NUDT3: variants seen among roughly 807,000 people sequenced by gnomAD.
The protein encoded by NUDT3 is diphosphoinositol polyphosphate phosphohydrolase 1.
A neutral mutation model predicts 23.6 loss-of-function variants in NUDT3; 9 were observed. The observed-to-expected ratio is 0.38, with a 90% CI of 0.23 to 0.66. NUDT3 has a LOEUF of 0.66. NUDT3 is among the 30% of genes least tolerant of loss of function. NUDT3 has a pLI of 0.52. For missense variants in NUDT3, 172 were observed against 218.5 expected (o/e 0.79, Z 1.34); for synonymous variants, 86 against 82.6 (o/e 1.04, Z -0.22).
At chr6:34,327,311 A>ACT in intron 2 of NUDT3, among the ~76,000 whole-genome samples, 1 of 152,002 alleles carries the variant, frequency 6.6e-6, no homozygotes, top group Non-Finnish European at 1.5e-5. Context: ...CGGGTGGATC[A>ACT]CGAGGTCAAG....
intron 1 of NUDT3, among the ~76,000 whole-genome samples, chr6:34,342,495 T>C (rs1764304096): frequency 6.6e-6 from 1 of 152,090 alleles, no homozygotes; most frequent in South Asian, 2.1e-4. Context: ...TACACCACCC[T>C]AGACTCTAAG....
intron 1 of NUDT3, among the ~76,000 whole-genome samples, chr6:34,385,557 C>T (rs1765091922): frequency 6.6e-6 from 1 of 150,966 alleles, no homozygotes; most frequent in Admixed American, 6.6e-5. Flanking sequence ...TTTTCCAGTC[C>T]TAGTTTTTAT....
In NUDT3 at chr6:34,346,124, T is replaced by C. The variant is rs181563665; in HGVS notation, c.100-4152A>G. On this transcript the variant is annotated intron_variant, in intron 1 of 4. Transcript: ENST00000607016. ...TGCCACACTCATTCTCTTCAATAAC[T>C]GTGACCAATCTTACATTTTACAACA... is the stretch of plus-strand genomic sequence containing the variant. Among the ~76,000 whole-genome samples the C allele has an allele frequency of 9.2e-5, 14 of 152,274 alleles. No individual in the cohort carries two copies. The East Asian group carries it at 2.7e-3, about 29-fold the overall frequency.
At chr6:34,351,222 A>AAAAAAAAC (rs1764468736) in intron 1 of NUDT3, among the ~76,000 whole-genome samples, 1 of 135,088 alleles carries the variant, frequency 7.4e-6, no homozygotes, top group African/African-American at 3.1e-5. Flanking sequence ...AAAAAAAAAA[A>AAAAAAAAC]AAAACACTTT....
intron 1 of NUDT3, among the ~76,000 whole-genome samples, chr6:34,388,646 C>T (rs1025828827): frequency 2.6e-5 from 4 of 152,098 alleles, no homozygotes; most frequent in African/African-American, 9.7e-5. Context: ...AAATCCCTCC[C>T]AATTAAGGAA....
intron 1 of NUDT3, among the ~76,000 whole-genome samples, chr6:34,385,419 T>G (rs1300342025): frequency 4.6e-5 from 7 of 152,194 alleles, no homozygotes; most frequent in Non-Finnish European, 1.0e-4. Context: ...CAAATAAATC[T>G]TTTATATGTA....
chr6:34,367,166 G>T (rs1273647218), intron 1 of NUDT3, among the ~76,000 whole-genome samples: 1 of 152,066 alleles, frequency 6.6e-6, no homozygotes, highest in Non-Finnish European at 1.5e-5. Flanking sequence ...TTACAGGTGT[G>T]AGCCACAATG....
At position 34,288,073 on chromosome 6, in the gene NUDT3, G is replaced by A. The variant is rs1187567572; in HGVS notation, c.*680C>T. The stretch of plus-strand genomic sequence containing the variant: ...TAGCTAAACTCTTCCCATATCTACA[G>A]TCAATGACTGGGAAATAGAGAAAGG... On this transcript the variant is annotated 3_prime_UTR_variant, in exon 5 of 5. Coordinates refer to ENST00000607016, the MANE Select transcript of NUDT3 (RefSeq NM_006703.4). 1.3e-5 allele frequency: 2 copies of A among 152,170 alleles called. No homozygotes were observed. The highest frequency in any genetic ancestry group is 2.9e-5 in the Non-Finnish European group (2 of 68,036). The allele number at this position is 152,170 out of a possible 1,614,324, so 9.4% of individuals were successfully genotyped here.
intron 1 of NUDT3, among the ~76,000 whole-genome samples, chr6:34,377,592 G>A (rs1652880598): frequency 6.6e-6 from 1 of 152,112 alleles, no homozygotes. Flanking sequence ...CCAGCACTTT[G>A]GGAAGCTGAG....
intron 1 of NUDT3, among the ~76,000 whole-genome samples, chr6:34,390,960 T>C (rs1412732551): frequency 6.6e-6 from 1 of 152,196 alleles, no homozygotes. Context: ...AATGCATCTG[T>C]TTTGGGGACT....
At chr6:34,364,226 A>G (rs1397642314) in intron 1 of NUDT3, among the ~76,000 whole-genome samples, 1 of 152,246 alleles carries the variant, frequency 6.6e-6, no homozygotes, top group Non-Finnish European at 1.5e-5. Context: ...GTCAGAAAAC[A>G]TGATTGGTGG....
chr6:34,365,148 G>A (rs978350684), intron 1 of NUDT3, among the ~76,000 whole-genome samples: 10 of 150,196 alleles, frequency 6.7e-5, no homozygotes, highest in Admixed American at 1.3e-4. Flanking sequence ...AAAATAAATC[G>A]GCCAGGCAAG....
chr6:34,368,540 AAC>A lies in NUDT3; in HGVS notation c.99+23722_99+23723del, dbSNP rs1316030319. On this transcript the variant is annotated intron_variant, in intron 1 of 4. Coordinates refer to ENST00000607016, the MANE Select transcript of NUDT3 (RefSeq NM_006703.4). The stretch of plus-strand genomic sequence containing the variant: ...AAACATAGTACAGGGGAAAAACAAA[AAC>A]ACAGTATAGATGAATCTCAGACAGC... Among the ~76,000 whole-genome samples the A allele has an allele frequency of 2.0e-5, 3 of 152,318 alleles. No individual in the cohort carries two copies. The East Asian group carries it at 5.8e-4, about 29-fold the overall frequency.
At chr6:34,337,166 A>C (rs1400308068) in intron 2 of NUDT3, among the ~76,000 whole-genome samples, 1 of 152,248 alleles carries the variant, frequency 6.6e-6, no homozygotes, top group Non-Finnish European at 1.5e-5. Context: ...AGTTCAAAGC[A>C]GTTCACAGAC....
intron 1 of NUDT3, among the ~76,000 whole-genome samples, chr6:34,355,747 T>C (rs1025334375): frequency 2.6e-5 from 4 of 151,198 alleles, no homozygotes; most frequent in South Asian, 2.1e-4. Context: ...TTAATAGACA[T>C]AGGCTTATTT....
In NUDT3 at chr6:34,288,715, A is replaced by C. The variant is rs773092810; in HGVS notation, c.*38T>G. ...AGAGGGAAGATTTGCACTTCAGTCT[A>C]GTTTCCAATTTCCATTTCTCTTACA... On this transcript the variant is annotated 3_prime_UTR_variant, in exon 5 of 5. Transcript: ENST00000607016. 1 of 1,587,246 alleles carries C rather than the reference A, an allele frequency of 6.3e-7. No homozygotes were observed. Among genetic ancestry groups the C allele is most frequent in the South Asian group, 1.2e-5 (1 of 86,830 alleles).
chr6:34,367,195 T>TAATA (rs373601184), intron 1 of NUDT3, among the ~76,000 whole-genome samples: 3,009 of 152,162 alleles, frequency 0.02, 84 homozygotes, highest in African/African-American at 0.059. Context: ...AAAAACATTT[T>TAATA]AATTGGCCGG....
chr6:34,385,029 CA>C (rs55719137), intron 1 of NUDT3, among the ~76,000 whole-genome samples: 13,372 of 110,726 alleles, frequency 0.12, 578 homozygotes, highest in Non-Finnish European at 0.17. Flanking sequence ...ACCCTGCCTC[CA>C]AAAAAAAAAA....
At chr6:34,348,805 A>C (rs1037222322) in intron 1 of NUDT3, among the ~76,000 whole-genome samples, 2 of 151,494 alleles carry the variant, frequency 1.3e-5, no homozygotes, top group Non-Finnish European at 3.0e-5. Context: ...ACAAAAGAAC[A>C]AGTCAGACTT....
Sources: gnomAD v4.1 joint callset for allele counts (sites outside exome capture counted in the v4.1 genomes callset) on GRCh38, gnomAD v4.1.1 for gene constraint, MANE v1.5 for transcripts, NCBI Gene and HGNC (gene_info 2026-07-23, HGNC 2026-07-21) for gene names.